BBLN: variants seen among roughly 807,000 people sequenced by gnomAD.
BBLN encodes the protein bublin coiled coil protein.
A neutral mutation model predicts 7.6 loss-of-function variants in BBLN; 6 were observed. The observed-to-expected ratio is 0.79, with a 90% confidence interval of 0.43 to 1.55. The LOEUF is 1.55. Ranked by LOEUF, BBLN falls within the 40% of genes most tolerant of loss-of-function variation. The pLI is 0.01. For missense variants in BBLN, 100 were observed against 111.1 expected (o/e 0.90, Z 0.45); for synonymous variants, 35 against 46.7 (o/e 0.75, Z 1.02).
chr9:128,163,511 G>A lies in BBLN; in HGVS notation c.148G>A (p.Asp50Asn), dbSNP rs1167194101. 1.9e-6 allele frequency: 3 copies of A among 1,612,564 alleles called. No individual in the cohort carries two copies. The highest frequency in any genetic ancestry group is 1.7e-6 in the Non-Finnish European group (2 of 1,179,134). The change falls in exon 2 of 2, where the codon GAC (aspartate) becomes AAC (asparagine). Residue 50 changes from aspartate (D) to asparagine (N), a missense_variant. Asp to Asn is a conservative substitution (Grantham distance 23). Transcript: ENST00000372994. This position sits in a 1 kb window ranked among gnomAD's most constrained non-coding sequence, Gnocchi z 5.7. ...TCTGGACCACCTGGAGGAGAAGAAT[G>A]ACCACCTCCACGCCCGCCTCCAGGA... ...SCLDHLEEKNDHLHARLQELL... is the reference protein window; with the variant it reads ...SCLDHLEEKNNHLHARLQELL...
intron 1 of BBLN, among the ~76,000 whole-genome samples, chr9:128,161,517 T>C (rs1318687492): frequency 6.6e-6 from 1 of 152,096 alleles, no homozygotes; most frequent in Admixed American, 6.6e-5. Flanking sequence ...AAGCCTGGCC[T>C]GGAGGGGTGT....
Position 128,163,309 on chromosome 9 carries a change from A to G in BBLN, c.80-134A>G. On this transcript the variant is annotated intron_variant, in intron 1 of 1. Coordinates refer to ENST00000372994, the MANE Select transcript of BBLN (RefSeq NM_024112.4). This position sits in a 1 kb window ranked among gnomAD's most constrained non-coding sequence, Gnocchi z 5.7. ...TATTCCACCCATTTTCCAGACGGTGACACTGAGGCTCAGGAAGCAGTAGGG... is the reference window on the plus strand; with the variant it reads ...TATTCCACCCATTTTCCAGACGGTGGCACTGAGGCTCAGGAAGCAGTAGGG... 1 of 695,930 alleles carries G rather than the reference A, an allele frequency of 1.4e-6. No individual in the cohort carries two copies. Among genetic ancestry groups the G allele is most frequent in the Non-Finnish European group, 2.2e-6 (1 of 446,068 alleles). The allele number at this position is 695,930 out of a possible 1,614,324, so 43.1% of individuals were successfully genotyped here.
intron 1 of BBLN, among the ~76,000 whole-genome samples, chr9:128,161,097 G>GAAAAAAAAAAAAAAAAAA (rs1223257126): frequency 2.6e-5 from 1 of 38,344 alleles, no homozygotes; most frequent in Non-Finnish European, 6.9e-5. Flanking sequence ...CAAAAAAAAG[G>GAAAAAAAAAAAAAAAAAA]AAAATCCTTA....
chr9:128,160,580 GC>G (rs1314802914), intron 1 of BBLN, 94 bp downstream of exon 1: 1 of 881,820 alleles, frequency 1.1e-6, no homozygotes, highest in Non-Finnish European at 1.6e-6. Context: ...GGAACAAAGA[GC>G]CCACCCATTC....
In BBLN at chr9:128,160,311, T is replaced by G. The variant is rs575047861; in HGVS notation, c.-97T>G. The G allele has an allele frequency of 4.0e-3, 2,602 of 646,624 alleles. 12 individuals are homozygous for G. The highest frequency in any genetic ancestry group is 4.9e-3 in the Non-Finnish European group (2,222 of 450,488). 40.1% of individuals were successfully genotyped at this position (646,624 alleles called of 1,614,324 possible). On this transcript the variant is annotated 5_prime_UTR_variant, in exon 1 of 2. Coordinates refer to ENST00000372994, the MANE Select transcript of BBLN (RefSeq NM_024112.4). ...CGCGTTCTACCCTTCCGGCCCGTGTTCTATCCGCCGCCTCCACCTTCCATC... is the reference window on the plus strand; with the variant it reads ...CGCGTTCTACCCTTCCGGCCCGTGTGCTATCCGCCGCCTCCACCTTCCATC...
chr9:128,160,315 T>G lies in BBLN; in HGVS notation c.-93T>G, dbSNP rs1384769585. 1 of 675,760 alleles carries G rather than the reference T, an allele frequency of 1.5e-6. No individual in the cohort carries two copies. The highest frequency in any genetic ancestry group is 2.1e-6 in the Non-Finnish European group (1 of 477,404). The allele number at this position is 675,760 out of a possible 1,614,324, so 41.9% of individuals were successfully genotyped here. A position where few individuals can be genotyped will look rare whatever the true frequency, so the allele number is the denominator to read the frequency against. On this transcript the variant is annotated 5_prime_UTR_variant, in exon 1 of 2. Transcript: ENST00000372994. ...TTCTACCCTTCCGGCCCGTGTTCTA[T>G]CCGCCGCCTCCACCTTCCATCCGGC...
At chr9:128,162,050 A>G (rs1253246085) in intron 1 of BBLN, 1 of 152,218 alleles carries the variant, frequency 6.6e-6, no homozygotes, top group African/African-American at 2.4e-5. Flanking sequence ...TTCAAACCCA[A>G]GTGACCCTGA....
Position 128,163,630 on chromosome 9 carries a change from C to G in BBLN, c.*15C>G. ...CCAGCCCCTAGGCTCCAAGAGCCCCCAACCGGGACCCAACCCTGCCTCCCT... is the reference window on the plus strand; with the variant it reads ...CCAGCCCCTAGGCTCCAAGAGCCCCGAACCGGGACCCAACCCTGCCTCCCT... On this transcript the variant is annotated 3_prime_UTR_variant, in exon 2 of 2. Coordinates refer to ENST00000372994, the MANE Select transcript of BBLN (RefSeq NM_024112.4). This position sits in a 1 kb window ranked among gnomAD's most constrained non-coding sequence, Gnocchi z 5.7. 2.7e-6 allele frequency: 4 copies of G among 1,479,608 alleles called. No homozygotes were observed. Among genetic ancestry groups the G allele is most frequent in the Non-Finnish European group, 3.6e-6 (4 of 1,110,658 alleles). 91.7% of individuals were successfully genotyped at this position (1,479,608 alleles called of 1,614,324 possible). A position where few individuals can be genotyped will look rare whatever the true frequency, so the allele number is the denominator to read the frequency against.
At chr9:128,161,783 GACGCCTGCCACC>G (rs1207469603) in intron 1 of BBLN, among the ~76,000 whole-genome samples, 4 of 152,084 alleles carry the variant, frequency 2.6e-5, no homozygotes, top group African/African-American at 9.7e-5. Flanking sequence ...TGGGACTACA[GACGCCTGCCACC>G]ACGCCTGGCT....
rs758075952 is a variant in BBLN at position 128,163,577 on chromosome 9, C to T, written c.214C>T (p.Gln72Ter). The change falls in exon 2 of 2, where the codon CAG becomes TAG. Residue 72 changes from glutamine to a stop codon, truncating the protein, a stop_gained. Transcript: ENST00000372994. LOFTEE classifies it high-confidence loss of function. The surrounding 1 kb of genome is among the most constrained non-coding windows in gnomAD (Gnocchi z 5.7). ...CCGGCAGACACGCCTGGAGTTCCAG[C>T]AGCAGCTCGGGGAGGCCCCCAGTGA... ...SNRQTRLEFQ[Q>*]QLGEAPSDAS... The T allele has an allele frequency of 6.3e-7, 1 of 1,593,424 alleles. No homozygotes were observed. Among genetic ancestry groups the T allele is most frequent in the Admixed American group, 1.7e-5 (1 of 57,586 alleles).
At chr9:128,160,728 C>T (rs1240757106) in intron 1 of BBLN, among the ~76,000 whole-genome samples, 1 of 152,242 alleles carries the variant, frequency 6.6e-6, no homozygotes, top group African/African-American at 2.4e-5. Flanking sequence ...GCTTCGGGGA[C>T]ACTCGCCCTT....
Position 128,163,843 on chromosome 9 carries a change from C to A in BBLN, c.*228C>A. On this transcript the variant is annotated 3_prime_UTR_variant, in exon 2 of 2. Coordinates refer to ENST00000372994, the MANE Select transcript of BBLN (RefSeq NM_024112.4). This position sits in a 1 kb window ranked among gnomAD's most constrained non-coding sequence, Gnocchi z 5.7. ...GGGCCAAGAGTGGGCCTGCAACCCA[C>A]CCACTTGCCTGCCCACCCAACTCCT... 1 of 481,450 alleles carries A rather than the reference C, an allele frequency of 2.1e-6. No individual in the cohort carries two copies. Among genetic ancestry groups the A allele is most frequent in the South Asian group, 3.5e-5 (1 of 28,202 alleles). The allele number at this position is 481,450 out of a possible 1,614,324, so 29.8% of individuals were successfully genotyped here. A position where few individuals can be genotyped will look rare whatever the true frequency, so the allele number is the denominator to read the frequency against.
At position 128,163,247 on chromosome 9, in the gene BBLN, C is replaced by T. The variant is rs948435894; in HGVS notation, c.80-196C>T. Among the ~76,000 whole-genome samples the T allele has an allele frequency of 5.9e-5, 9 of 152,192 alleles. No individual in the cohort carries two copies. The highest frequency in any genetic ancestry group is 3.3e-4 in the Admixed American group (5 of 15,290). Reference sequence around the variant, plus strand: ...TAACCCTAGAAAAAAGGATGCAGTACTAAAGTGTCATTCATTCAAAGCCAC... The same window carrying T: ...TAACCCTAGAAAAAAGGATGCAGTATTAAAGTGTCATTCATTCAAAGCCAC... On this transcript the variant is annotated intron_variant, in intron 1 of 1. Transcript: ENST00000372994. This position sits in a 1 kb window ranked among gnomAD's most constrained non-coding sequence, Gnocchi z 5.7.
intron 1 of BBLN, among the ~76,000 whole-genome samples, chr9:128,161,226 C>G (rs1443432500): frequency 6.6e-6 from 1 of 152,050 alleles, no homozygotes; most frequent in Non-Finnish European, 1.5e-5. Flanking sequence ...AAGTATGGTG[C>G]ATGCTCTTTG....
Position 128,163,794 on chromosome 9 carries a change from C to G in BBLN, c.*179C>G. 1 of 561,918 alleles carries G rather than the reference C, an allele frequency of 1.8e-6. No individual in the cohort carries two copies. The highest frequency in any genetic ancestry group is 3.2e-5 in the East Asian group (1 of 31,182). The allele number at this position is 561,918 out of a possible 1,614,324, so 34.8% of individuals were successfully genotyped here. On this transcript the variant is annotated 3_prime_UTR_variant, in exon 2 of 2. Transcript: ENST00000372994. The surrounding 1 kb of genome is among the most constrained non-coding windows in gnomAD (Gnocchi z 5.7). ...TCCCCTTGGCCTACCTGGGCCAGCCCCCACCACCTGGCATGCCCTCCTGGG... is the reference window on the plus strand; with the variant it reads ...TCCCCTTGGCCTACCTGGGCCAGCCGCCACCACCTGGCATGCCCTCCTGGG...
In BBLN at chr9:128,160,422, C is replaced by G. The variant is rs1471941750; in HGVS notation, c.15C>G (p.Asn5Lys). The G allele has an allele frequency of 3.2e-6, 4 of 1,267,734 alleles. No individual in the cohort carries two copies. Among genetic ancestry groups the G allele is most frequent in the Non-Finnish European group, 3.0e-6 (3 of 999,156 alleles). 78.5% of individuals were successfully genotyped at this position (1,267,734 alleles called of 1,614,324 possible). MSGP[N>K]GDLGMPVEAG... ...CCGAGCCCGCAATGTCGGGCCCCAACGGAGACCTGGGGATGCCGGTGGAGG... is the reference window on the plus strand; with the variant it reads ...CCGAGCCCGCAATGTCGGGCCCCAAGGGAGACCTGGGGATGCCGGTGGAGG... Residue 5 changes from asparagine to lysine, a missense_variant, in exon 1 of 2, where the codon AAC becomes AAG. Physicochemically the swap from Asn to Lys is moderately conservative, Grantham distance 94. Transcript: ENST00000372994.
chr9:128,162,178 A>G (rs1245733643), intron 1 of BBLN: 1 of 152,212 alleles, frequency 6.6e-6, no homozygotes, highest in Non-Finnish European at 1.5e-5. Flanking sequence ...GGACTTTAAG[A>G]TGCAGCCGAT....
chr9:128,162,425 T>A (rs957044573), intron 1 of BBLN: 3 of 152,450 alleles, frequency 2.0e-5, no homozygotes, highest in African/African-American at 7.2e-5. Flanking sequence ...ACTGTGTTGC[T>A]GAGCAGGGCA....
chr9:128,163,650 C>T lies in BBLN; in HGVS notation c.*35C>T. On this transcript the variant is annotated 3_prime_UTR_variant, in exon 2 of 2. Coordinates refer to ENST00000372994, the MANE Select transcript of BBLN (RefSeq NM_024112.4). The surrounding 1 kb of genome is among the most constrained non-coding windows in gnomAD (Gnocchi z 5.7). ...GCCCCCAACCGGGACCCAACCCTGC[C>T]TCCCTGGGCTAGGCTCTGGCCTGGG... 2.1e-6 allele frequency: 3 copies of T among 1,445,730 alleles called. No individual in the cohort carries two copies. The highest frequency in any genetic ancestry group is 1.8e-6 in the Non-Finnish European group (2 of 1,091,770). 89.6% of individuals were successfully genotyped at this position (1,445,730 alleles called of 1,614,324 possible). A position where few individuals can be genotyped will look rare whatever the true frequency, so the allele number is the denominator to read the frequency against.
Sources: allele counts gnomAD v4.1 joint callset (sites outside exome capture counted in the v4.1 genomes callset), GRCh38; gene constraint gnomAD v4.1.1; non-coding constraint Gnocchi (gnomAD v3.1); transcripts MANE v1.5; gene names NCBI Gene and HGNC (gene_info 2026-07-23, HGNC 2026-07-21).